The following PDZRN4 variants were observed in gnomAD, a reference collection of about 807,000 sequenced individuals.
PDZRN4 encodes PDZ domain containing ring finger 4.
A neutral mutation model predicts 99.0 loss-of-function variants in PDZRN4; 70 were observed. That is an observed-to-expected ratio of 0.71 (90% CI 0.58 to 0.86). PDZRN4 has a LOEUF of 0.86. PDZRN4 is among the 40% of genes least tolerant of loss of function. The pLI, the probability that PDZRN4 is intolerant of heterozygous loss-of-function variation, is 0.00. For missense variants in PDZRN4, 1,474 were observed against 1,331.2 expected (o/e 1.11, Z -1.67); for synonymous variants, 551 against 501.6 (o/e 1.10, Z -1.32).
At chr12:41,518,037 T>C (rs1385842641) in intron 5 of PDZRN4, among the ~76,000 whole-genome samples, 6 of 152,104 alleles carry the variant, frequency 3.9e-5, no homozygotes, top group Non-Finnish European at 8.8e-5. Flanking sequence ...AATTTAAAAA[T>C]ACAGAAAATA....
intron 3 of PDZRN4, chr12:41,473,522 C>T (rs975881345): frequency 1.3e-5 from 2 of 152,194 alleles, no homozygotes; most frequent in Admixed American, 1.3e-4. Context: ...ACTGTATCTC[C>T]CAAGAACACT....
At chr12:41,235,336 A>G (rs1002535760) in intron 3 of PDZRN4, among the ~76,000 whole-genome samples, 1 of 152,176 alleles carries the variant, frequency 6.6e-6, no homozygotes, top group Non-Finnish European at 1.5e-5. Context: ...AAAAAGGCCA[A>G]AAAATGAAAC....
chr12:41,265,242 A>G (rs1951268468), intron 3 of PDZRN4, among the ~76,000 whole-genome samples: 1 of 152,234 alleles, frequency 6.6e-6, no homozygotes, highest in South Asian at 2.1e-4. Flanking sequence ...TTGATCATTT[A>G]TATTAAAGGA....
intron 3 of PDZRN4, among the ~76,000 whole-genome samples, chr12:41,255,591 T>G (rs1158525615): frequency 6.6e-6 from 1 of 152,164 alleles, no homozygotes; most frequent in Admixed American, 6.5e-5. Context: ...TTTAACTTCC[T>G]GAAGTGTATG....
At chr12:41,190,431 G>T (rs948370835) in intron 1 of PDZRN4, among the ~76,000 whole-genome samples, 2 of 152,190 alleles carry the variant, frequency 1.3e-5, no homozygotes, top group African/African-American at 4.8e-5. Flanking sequence ...AGGTTTCAAG[G>T]TCGTAGGAAA....
intron 3 of PDZRN4, among the ~76,000 whole-genome samples, chr12:41,487,083 G>T (rs1019167201): frequency 1.3e-5 from 2 of 151,942 alleles, no homozygotes; most frequent in Non-Finnish European, 2.9e-5. Context: ...CATAGCAGTT[G>T]ACACATAATC....
chr12:41,226,173 C>T lies in PDZRN4; in HGVS notation c.843+31985C>T, dbSNP rs1950993426. Reference sequence around the variant, plus strand: ...TATGTGTTACAAAATAAAGACCTTTCCCTGGCCCATTTGCTCACCAGCTTC... The same window carrying T: ...TATGTGTTACAAAATAAAGACCTTTTCCTGGCCCATTTGCTCACCAGCTTC... On this transcript the variant is annotated intron_variant, in intron 3 of 9. Transcript: ENST00000402685. 2.0e-5 allele frequency among the ~76,000 whole-genome samples: 3 copies of T among 152,012 alleles called. No homozygotes were observed. In the South Asian group the frequency reaches 6.2e-4, roughly 32 times the overall value.
intron 3 of PDZRN4, among the ~76,000 whole-genome samples, chr12:41,482,282 C>T (rs1451040518): frequency 6.6e-6 from 1 of 152,122 alleles, no homozygotes; most frequent in African/African-American, 2.4e-5. Flanking sequence ...CCTAGATATG[C>T]CTCAGCAGAT....
chr12:41,210,141 T>A (rs950231996), intron 3 of PDZRN4, among the ~76,000 whole-genome samples: 3 of 151,946 alleles, frequency 2.0e-5, no homozygotes, highest in Non-Finnish European at 4.4e-5. Flanking sequence ...TGCATAAATG[T>A]CTTCTTTTGA....
rs148864807 is a variant in PDZRN4, at chr12:41,555,750, G to A, written c.1355G>A (p.Arg452Gln). 7.6e-5 allele frequency: 123 copies of A among 1,613,516 alleles called. No individual in the cohort carries two copies. The highest frequency in any genetic ancestry group is 4.0e-4 in the East Asian group (18 of 44,862). Reference protein sequence around the residue: ...AKDGRIREGDRILQINGEDVQ... With the variant: ...AKDGRIREGDQILQINGEDVQ... ...GACGGCCGGATTCGAGAAGGGGATC[G>A]GATTTTGCAAGTAGGTGGTATAGTA... Residue 452 changes from arginine to glutamine, a missense_variant, in exon 7 of 10, where the codon CGG (arginine) becomes CAG (glutamine). Physicochemically the swap from Arg to Gln is conservative, Grantham distance 43 (BLOSUM62 1). Transcript: ENST00000402685.
At position 41,210,385 on chromosome 12, in the gene PDZRN4, G is replaced by A. The variant is rs537049246; in HGVS notation, c.843+16197G>A. On this transcript the variant is annotated intron_variant, in intron 3 of 9. Coordinates refer to ENST00000402685, the MANE Select transcript of PDZRN4 (RefSeq NM_001164595.2). Reference sequence around the variant, plus strand: ...CATTTGTCAATTATGGCTTTTGTTGGTCAATGGCAAGTTTTCTATAGAAAG... The same window carrying A: ...CATTTGTCAATTATGGCTTTTGTTGATCAATGGCAAGTTTTCTATAGAAAG... 2.0e-5 allele frequency among the ~76,000 whole-genome samples: 3 copies of A among 151,578 alleles called. No homozygotes were observed. In the South Asian group the frequency reaches 6.2e-4, roughly 32 times the overall value.
chr12:41,425,389 T>A (rs1388162698), intron 3 of PDZRN4, among the ~76,000 whole-genome samples: 1 of 151,604 alleles, frequency 6.6e-6, no homozygotes, highest in Non-Finnish European at 1.5e-5. Flanking sequence ...TCCTACACAC[T>A]GGGGCAGAGA....
chr12:41,439,773 A>G (rs1211923961), intron 3 of PDZRN4, among the ~76,000 whole-genome samples: 1 of 152,162 alleles, frequency 6.6e-6, no homozygotes, highest in Admixed American at 6.5e-5. Context: ...GATCTTTAAT[A>G]AAGGGGGTGA....
intron 3 of PDZRN4, among the ~76,000 whole-genome samples, chr12:41,239,499 T>A (rs532055207): frequency 5.9e-5 from 9 of 152,302 alleles, no homozygotes; most frequent in African/African-American, 2.2e-4. Flanking sequence ...CTATAGGGGA[T>A]AAATCTGCCA....
At chr12:41,364,369 G>C (rs1467391472) in intron 3 of PDZRN4, among the ~76,000 whole-genome samples, 1 of 152,072 alleles carries the variant, frequency 6.6e-6, no homozygotes, top group East Asian at 1.9e-4. Flanking sequence ...GGATTTTGCT[G>C]ACAATGAAGG....
At chr12:41,372,690 G>T (rs11180863) in intron 3 of PDZRN4, among the ~76,000 whole-genome samples, 71,963 of 151,890 alleles carry the variant, frequency 0.47, 17,823 homozygotes, top group Middle Eastern at 0.65. Flanking sequence ...GGAGTTGGGG[G>T]TTGAGGAGGT....
chr12:41,379,052 A>G (rs1323368641), intron 3 of PDZRN4, among the ~76,000 whole-genome samples: 1 of 151,928 alleles, frequency 6.6e-6, no homozygotes, highest in Non-Finnish European at 1.5e-5. Flanking sequence ...AAATTTCTTT[A>G]TTCATCATTG....
intron 5 of PDZRN4, 109 bp downstream of exon 5, chr12:41,510,022 A>C: frequency 1.8e-6 from 1 of 570,296 alleles, no homozygotes; most frequent in Admixed American, 3.3e-5. Context: ...TGTCTATTAC[A>C]TATCCAGTGT....
chr12:41,200,543 C>CT (rs1950808148), intron 3 of PDZRN4, among the ~76,000 whole-genome samples: 1 of 152,148 alleles, frequency 6.6e-6, no homozygotes, highest in African/African-American at 2.4e-5. Flanking sequence ...AGGGCCACCT[C>CT]TTTTTACTGT....
Sources: allele counts gnomAD v4.1 joint callset (sites outside exome capture counted in the v4.1 genomes callset), GRCh38; gene constraint gnomAD v4.1.1; transcripts MANE v1.5; gene names NCBI Gene and HGNC (gene_info 2026-07-23, HGNC 2026-07-21).